AGAP9: variants seen among roughly 807,000 people sequenced by gnomAD.
AGAP9 encodes arf-GAP with GTPase, ANK repeat and PH domain-containing protein 9.
A neutral mutation model predicts 55.6 loss-of-function variants in AGAP9; 23 were observed. The observed-to-expected ratio is 0.41, with a 90% CI of 0.30 to 0.59. AGAP9 has a LOEUF of 0.59. Ranked by LOEUF, AGAP9 falls within the 20% of genes least tolerant of loss-of-function variation. The pLI is 0.25. For missense variants in AGAP9, 309 were observed against 808.1 expected, an observed-to-expected ratio of 0.38 and a Z score of 7.49; for synonymous variants, 120 against 305.0, an observed-to-expected ratio of 0.39 and a Z score of 6.32.
In AGAP9 at chr10:47,517,268, C is replaced by A. The variant is rs1479290803; in HGVS notation, c.396+555G>T. Among the ~76,000 whole-genome samples, 8 of 86,932 alleles carry A rather than the reference C, an allele frequency of 9.2e-5. 1 individual carries two copies. The highest frequency in any genetic ancestry group is 2.9e-4 in the African/African-American group (6 of 20,442). 57.0% of individuals were successfully genotyped at this position (86,932 alleles called of 152,430 possible). ...AAAATAAGATTAAATATTTAAGGCACTTTTTTTTTTTTTTTTTTTTTTGAG... is the reference window on the plus strand; with the variant it reads ...AAAATAAGATTAAATATTTAAGGCAATTTTTTTTTTTTTTTTTTTTTTGAG... On this transcript the variant is annotated intron_variant, in intron 4 of 7. Coordinates refer to ENST00000452145, the MANE Select transcript of AGAP9 (RefSeq NM_001190810.1).
chr10:47,510,057 A>G lies in AGAP9; in HGVS notation c.497+114T>C. On this transcript the variant is annotated intron_variant, in intron 5 of 7. Coordinates refer to ENST00000452145, the MANE Select transcript of AGAP9 (RefSeq NM_001190810.1). ...GATACTTAATATTCAGAATCTGAAT[A>G]TCAATATATGGTTGACTCCAATTTC... The G allele has an allele frequency of 1.2e-5, 18 of 1,495,982 alleles. 4 individuals carry two copies. Among genetic ancestry groups the G allele is most frequent in the Admixed American group, 4.0e-5 (2 of 49,444 alleles). 92.7% of individuals were successfully genotyped at this position (1,495,982 alleles called of 1,614,324 possible).
intron 6 of AGAP9, among the ~76,000 whole-genome samples, chr10:47,506,741 G>A (rs1423275543): frequency 6.9e-6 from 1 of 145,290 alleles, no homozygotes; most frequent in Non-Finnish European, 1.5e-5. Context: ...CCAAGTTCAA[G>A]CGGTTCTCCT....
rs1400002455 is a variant in AGAP9 at position 47,509,937 on chromosome 10, C to T, written c.497+234G>A. 2.1e-5 allele frequency among the ~76,000 whole-genome samples: 3 copies of T among 141,938 alleles called. 1 individual carries two copies. Among genetic ancestry groups the T allele is most frequent in the African/African-American group, 7.7e-5 (3 of 38,964 alleles). 93.1% of individuals were successfully genotyped at this position (141,938 alleles called of 152,430 possible). On this transcript the variant is annotated intron_variant, in intron 5 of 7. Coordinates refer to ENST00000452145, the MANE Select transcript of AGAP9 (RefSeq NM_001190810.1). ...CACTGTGTTCAACATTGTCTAAAGG[C>T]ATAAAGACATCAAAAAGACACACTG...
Position 47,503,002 on chromosome 10 carries a change from C to T in AGAP9, c.1127G>A (p.Cys376Tyr), listed in dbSNP as rs1159915332. ...GGTGCTGGAGATACCGGGGCTGAAG[C>T]ATATGGAGTCACCCAGCCCGGTGTC... Reference protein sequence around the residue: ...DMDTGLGDSICFSPGISSTTS... With the variant: ...DMDTGLGDSIYFSPGISSTTS... The change falls in exon 8 of 8, where the codon TGC becomes TAC. Residue 376 changes from cysteine to tyrosine, a missense_variant. Coordinates refer to ENST00000452145, the MANE Select transcript of AGAP9 (RefSeq NM_001190810.1). 4.4e-6 allele frequency: 7 copies of T among 1,585,640 alleles called. 1 individual carries two copies. In the East Asian group the frequency reaches 1.2e-4, roughly 26 times the overall value.
chr10:47,520,600 T>G lies in AGAP9; in HGVS notation c.293-33A>C. On this transcript the variant is annotated intron_variant, in intron 2 of 7. Coordinates refer to ENST00000452145, the MANE Select transcript of AGAP9 (RefSeq NM_001190810.1). ...CATAGAGGAAGAAAAGAAAAAGAGA[T>G]GCAATCATTGATAAAAATTTATCAA... 2.7e-6 allele frequency: 4 copies of G among 1,486,544 alleles called. 1 individual carries two copies. In the South Asian group the frequency reaches 4.7e-5, roughly 18 times the overall value. 92.1% of individuals were successfully genotyped at this position (1,486,544 alleles called of 1,614,324 possible).
intron 2 of AGAP9, among the ~76,000 whole-genome samples, chr10:47,520,926 G>A (rs1333787098): frequency 4.0e-5 from 5 of 125,534 alleles, no homozygotes; most frequent in Admixed American, 7.9e-5. Context: ...AAATCAAGAT[G>A]GCAGTAAGTT....
At chr10:47,521,795 T>G (rs1397935458) in intron 2 of AGAP9, among the ~76,000 whole-genome samples, 2 of 151,482 alleles carry the variant, frequency 1.3e-5, no homozygotes, top group African/African-American at 4.9e-5. Context: ...CCTTTTTTTT[T>G]TGTGAGACGG....
At position 47,502,348 on chromosome 10, in the gene AGAP9, G is replaced by A. The variant is rs1840367729; in HGVS notation, c.1781C>T (p.Ala594Val). 1.9e-6 allele frequency: 3 copies of A among 1,606,438 alleles called. No individual in the cohort carries two copies. The highest frequency in any genetic ancestry group is 2.5e-6 in the Non-Finnish European group (3 of 1,178,452). The change falls in exon 8 of 8, where the codon GCC (alanine) becomes GTC (valine). Residue 594 changes from alanine to valine, a missense_variant. Coordinates refer to ENST00000452145, the MANE Select transcript of AGAP9 (RefSeq NM_001190810.1). Reference protein sequence around the residue: ...ELSLGQQLLRATTDEDLQTAI... With the variant: ...ELSLGQQLLRVTTDEDLQTAI... ...TGTCTGCAGGTCCTCATCAGTGGTGGCCCGCAGCAGCTGCTGGCCCAGGGA... is the reference window on the plus strand; with the variant it reads ...TGTCTGCAGGTCCTCATCAGTGGTGACCCGCAGCAGCTGCTGGCCCAGGGA...
Position 47,502,521 on chromosome 10 carries a change from G to A in AGAP9, c.1608C>T (p.Gly536=). 1 of 1,613,014 alleles carries A rather than the reference G, an allele frequency of 6.2e-7. No homozygotes were observed. The highest frequency in any genetic ancestry group is 8.5e-7 in the Non-Finnish European group (1 of 1,179,926). ...VELRKVMSSI[G]NELANSIWEG... is the part of the protein sequence containing the mutation. ...CCCAGATGCTGTTGGCTAGCTCATT[G>A]CCAATAGATGACATAACCTTCCTGA... The change falls in exon 8 of 8, where the codon GGC becomes GGT. Residue 536 remains glycine (G), a synonymous_variant. Coordinates refer to ENST00000452145, the MANE Select transcript of AGAP9 (RefSeq NM_001190810.1).
At chr10:47,510,829 C>CAAAAA (rs1180008752) in intron 4 of AGAP9, among the ~76,000 whole-genome samples, 1 of 27,302 alleles carries the variant, frequency 3.7e-5, no homozygotes, top group Non-Finnish European at 6.3e-5. Flanking sequence ...GACTCCGTCT[C>CAAAAA]AAAAAAAAAA....
chr10:47,503,937 C>CAAAAAAAAAAAAAAAAAAAAA (rs1186798630), intron 7 of AGAP9, among the ~76,000 whole-genome samples: 2 of 23,442 alleles, frequency 8.5e-5, no homozygotes, highest in Non-Finnish European at 1.4e-4. Context: ...GAGAGTCCAT[C>CAAAAAAAAAAAAAAAAAAAAA]AAAAAAAAAA....
intron 5 of AGAP9, among the ~76,000 whole-genome samples, chr10:47,509,733 G>A (rs1292039870): frequency 1.4e-5 from 2 of 141,814 alleles, no homozygotes; most frequent in East Asian, 3.2e-4. Flanking sequence ...TGTGGCCCAC[G>A]AGGTGCTCAT....
At chr10:47,514,315 C>G (rs1381913311) in intron 4 of AGAP9, among the ~76,000 whole-genome samples, 1 of 150,174 alleles carries the variant, frequency 6.7e-6, no homozygotes, top group Non-Finnish European at 1.5e-5. Context: ...ATGGCATTCC[C>G]AGCAACCTGG....
At position 47,502,991 on chromosome 10, in the gene AGAP9, C is replaced by G; in HGVS notation, c.1138G>C (p.Gly380Arg). ...GLGDSICFSP[G>R]ISSTTSPKLN... The stretch of plus-strand genomic sequence containing the variant: ...TTGGGGCTGGTGGTGCTGGAGATAC[C>G]GGGGCTGAAGCATATGGAGTCACCC... The change falls in exon 8 of 8, where the codon GGT becomes CGT. Residue 380 changes from glycine (G) to arginine (R), a missense_variant. Gly to Arg is a moderately radical substitution (Grantham distance 125, BLOSUM62 -2). Transcript: ENST00000452145. 1 of 1,516,906 alleles carries G rather than the reference C, an allele frequency of 6.6e-7. No homozygotes were observed. The highest frequency in any genetic ancestry group is 2.6e-5 in the East Asian group (1 of 38,514). 94.0% of individuals were successfully genotyped at this position (1,516,906 alleles called of 1,614,324 possible). A position where few individuals can be genotyped will look rare whatever the true frequency, so the allele number is the denominator to read the frequency against.
chr10:47,517,285 T>TTC, intron 4 of AGAP9, among the ~76,000 whole-genome samples: 1 of 111,796 alleles, frequency 8.9e-6, no homozygotes, highest in Non-Finnish European at 1.8e-5. Flanking sequence ...TTTTTTTTTT[T>TTC]TTTTTGAGAC....
At chr10:47,522,409 A>AAC (rs1291922774) in intron 2 of AGAP9, among the ~76,000 whole-genome samples, 2 of 149,416 alleles carry the variant, frequency 1.3e-5, no homozygotes, top group Admixed American at 6.6e-5. Context: ...AGAAACCCCA[A>AAC]ACACACACAC....
intron 3 of AGAP9, among the ~76,000 whole-genome samples, chr10:47,519,049 T>A (rs1840767479): frequency 7.4e-6 from 1 of 135,298 alleles, no homozygotes; most frequent in Non-Finnish European, 1.5e-5. Context: ...CATGTTAACA[T>A]GTGACCCTTA....
At position 47,503,447 on chromosome 10, in the gene AGAP9, C is replaced by A; in HGVS notation, c.682G>T (p.Asp228Tyr). Residue 228 changes from aspartate to tyrosine, a missense_variant, in exon 8 of 8, where the codon GAC (aspartate) becomes TAC (tyrosine). Coordinates refer to ENST00000452145, the MANE Select transcript of AGAP9 (RefSeq NM_001190810.1). Reference protein sequence around the residue: ...IPPTPSTSQEDPQFSVPPTAN... With the variant: ...IPPTPSTSQEYPQFSVPPTAN... ...GTGGGAGGAACACTGAACTGAGGGT[C>A]CTCCTGGCTGGTGCTGGGAGTCGGT... is the stretch of plus-strand genomic sequence containing the variant. The A allele has an allele frequency of 1.2e-6, 2 of 1,609,102 alleles. No individual in the cohort carries two copies. The highest frequency in any genetic ancestry group is 1.7e-6 in the Non-Finnish European group (2 of 1,179,522).
Position 47,502,482 on chromosome 10 carries a change from CT to C in AGAP9, c.1646del (p.Gln549ArgfsTer8). The C allele has an allele frequency of 1.2e-6, 2 of 1,613,084 alleles. No individual in the cohort carries two copies. The highest frequency in any genetic ancestry group is 2.2e-5 in the East Asian group (1 of 44,808). On this transcript the variant is annotated frameshift_variant, in exon 8 of 8. Transcript: ENST00000452145. LOFTEE classifies it high-confidence loss of function. Reference protein sequence around the residue: ...LANSIWEGSSQGQTKPSIKST... With the variant: ...LANSIWEGSSXGQTKPSIKST... ...ACTTTATTGAGGGTTTTGTCTGCCC[CT>C]GGCTGCTCCCTTCCCAGATGCTGTT... is the stretch of plus-strand genomic sequence containing the variant.
Sources: gnomAD v4.1 joint callset for allele counts (sites outside exome capture counted in the v4.1 genomes callset) on GRCh38, gnomAD v4.1.1 for gene constraint, MANE v1.5 for transcripts, NCBI Gene and HGNC (gene_info 2026-07-23, HGNC 2026-07-21) for gene names.